Variants in MIPOL1 observed in about 807,000 individuals in gnomAD.
MIPOL1 encodes mirror-image polydactyly gene 1 protein.
A neutral mutation model predicts 60.9 loss-of-function variants in MIPOL1; 57 were observed. That is an observed-to-expected ratio of 0.94 (90% confidence interval 0.76 to 1.17). MIPOL1 has a LOEUF of 1.17. Ranked by LOEUF, MIPOL1 falls within the 50% of genes most tolerant of loss-of-function variation. The probability of loss-of-function intolerance (pLI) is 0.00; values close to 1 mark genes in which losing one functional copy is unlikely to be tolerated. For synonymous variants in MIPOL1, 179 were observed against 168.8 expected, an observed-to-expected ratio of 1.06 and a Z score of -0.47; for missense variants, 551 against 511.6, an observed-to-expected ratio of 1.08 and a Z score of -0.74.
intron 12 of MIPOL1, chr14:37,502,561 A>G (rs2095230924): frequency 6.6e-6 from 1 of 152,284 alleles, no homozygotes; most frequent in Non-Finnish European, 1.5e-5. Context: ...ACAAACAGAA[A>G]GGAATAGCAT....
intron 9 of MIPOL1, among the ~76,000 whole-genome samples, chr14:37,356,922 G>T (rs554499555): frequency 1.3e-5 from 2 of 152,208 alleles, no homozygotes; most frequent in East Asian, 3.9e-4. Context: ...CGGCCATCTT[G>T]GCTCCTCCCC....
Position 37,276,224 on chromosome 14 carries a change from T to C in MIPOL1, c.493+5699T>C, listed in dbSNP as rs556879441. 3.3e-5 allele frequency: 5 copies of C among 151,196 alleles called. No homozygotes were observed. In the South Asian group the frequency reaches 1.0e-3, roughly 31 times the overall value. 9.4% of individuals were successfully genotyped at this position (151,196 alleles called of 1,614,324 possible). On this transcript the variant is annotated intron_variant, in intron 6 of 12. Coordinates refer to ENST00000684589, the MANE Select transcript of MIPOL1 (RefSeq NM_001388067.1). ...AGCATTTGATTTTTCTCTTTAAACA[T>C]AGATTTCTTTCTCTGCATGCAAATT...
intron 9 of MIPOL1, among the ~76,000 whole-genome samples, chr14:37,351,062 C>T (rs1424615283): frequency 8.5e-6 from 1 of 117,734 alleles, no homozygotes. Context: ...TCCCCCCTCC[C>T]CCCACCCCAC....
rs1245315323 is a variant in MIPOL1, at chr14:37,280,937, A to G, written c.494-4381A>G. 2.0e-5 allele frequency among the ~76,000 whole-genome samples: 3 copies of G among 152,222 alleles called. No homozygotes were observed. The East Asian group carries it at 5.8e-4, about 29-fold the overall frequency. On this transcript the variant is annotated intron_variant, in intron 6 of 12. Transcript: ENST00000684589. ...GTATTATTCTTTTCATTAATGTGTC[A>G]TTTGCAGATATTTTCTCCTACACTG...
intron 10 of MIPOL1, among the ~76,000 whole-genome samples, chr14:37,421,777 A>T (rs983280218): frequency 6.6e-6 from 1 of 150,622 alleles, no homozygotes; most frequent in African/African-American, 2.5e-5. Flanking sequence ...TGTAAAGTTC[A>T]CTTTTATTAC....
chr14:37,260,617 C>A (rs1462083764), intron 3 of MIPOL1, among the ~76,000 whole-genome samples: 2 of 152,036 alleles, frequency 1.3e-5, no homozygotes, highest in Non-Finnish European at 2.9e-5. Flanking sequence ...TTTGTAGAAA[C>A]AATCTAAAAG....
At chr14:37,478,710 G>A (rs193032002) in intron 11 of MIPOL1, among the ~76,000 whole-genome samples, 1 of 152,034 alleles carries the variant, frequency 6.6e-6, no homozygotes, top group Non-Finnish European at 1.5e-5. Flanking sequence ...GAAAGTGAAA[G>A]GATAGAAAAA....
intron 1 of MIPOL1, among the ~76,000 whole-genome samples, chr14:37,220,971 T>C (rs1041208064): frequency 1.3e-5 from 2 of 152,076 alleles, no homozygotes; most frequent in South Asian, 4.2e-4. Flanking sequence ...TTCATAGAGA[T>C]GGGGTCTTGC....
intron 10 of MIPOL1, among the ~76,000 whole-genome samples, chr14:37,407,845 C>CTTTTTTTTT (rs35133543): frequency 3.4e-5 from 3 of 88,788 alleles, no homozygotes; most frequent in African/African-American, 1.3e-4. Context: ...TCTTCTTCTT[C>CTTTTTTTTT]TTTTTTTTTT....
At chr14:37,216,636 G>T (rs1281811222) in intron 1 of MIPOL1, among the ~76,000 whole-genome samples, 1 of 152,068 alleles carries the variant, frequency 6.6e-6, no homozygotes, top group Non-Finnish European at 1.5e-5. Context: ...GATGAATTTT[G>T]GAAACTGGAC....
At chr14:37,419,335 G>A (rs758797310) in intron 10 of MIPOL1, among the ~76,000 whole-genome samples, 28 of 152,170 alleles carry the variant, frequency 1.8e-4, no homozygotes, top group Non-Finnish European at 4.0e-4. Flanking sequence ...GATTGCCAGA[G>A]GCTGAGTGTG....
chr14:37,403,285 C>A (rs1490604336), intron 10 of MIPOL1, among the ~76,000 whole-genome samples: 1 of 151,896 alleles, frequency 6.6e-6, no homozygotes, highest in Non-Finnish European at 1.5e-5. Context: ...ATTACAAATT[C>A]TCATGGGAGG....
intron 11 of MIPOL1, among the ~76,000 whole-genome samples, chr14:37,436,415 C>T (rs937969183): frequency 2.0e-5 from 3 of 152,074 alleles, no homozygotes; most frequent in Non-Finnish European, 4.4e-5. Flanking sequence ...CTTTCCATGA[C>T]ACATGCATTA....
At chr14:37,450,370 CAG>C (rs1179527546) in intron 11 of MIPOL1, among the ~76,000 whole-genome samples, 2 of 152,134 alleles carry the variant, frequency 1.3e-5, no homozygotes, top group Non-Finnish European at 2.9e-5. Flanking sequence ...AATTTCCAAA[CAG>C]AAATTTTCTG....
At chr14:37,450,660 C>T (rs866029697) in intron 11 of MIPOL1, among the ~76,000 whole-genome samples, 3 of 152,058 alleles carry the variant, frequency 2.0e-5, no homozygotes, top group South Asian at 4.2e-4. Context: ...GAGAAATTTT[C>T]CTTAATATTA....
rs1389366751 is a variant in MIPOL1, at chr14:37,266,967, A to T, written c.49A>T (p.Thr17Ser). ...AACCCACAGTTATCTTGAACAAGAA[A>T]CTACGGGGATAAATAAAAGTACGCA... The part of the protein sequence containing the change: ...DITHSYLEQE[T>S]TGINKSTQPD... The change falls in exon 4 of 13, where the codon ACT (threonine) becomes TCT (serine). Residue 17 changes from threonine to serine, a missense_variant. Coordinates refer to ENST00000684589, the MANE Select transcript of MIPOL1 (RefSeq NM_001388067.1). 1.9e-6 allele frequency: 3 copies of T among 1,612,974 alleles called. No homozygotes were observed. Among genetic ancestry groups the T allele is most frequent in the Non-Finnish European group, 2.5e-6 (3 of 1,179,452 alleles).
At chr14:37,287,264 A>C (rs957172808) in intron 7 of MIPOL1, among the ~76,000 whole-genome samples, 3 of 151,908 alleles carry the variant, frequency 2.0e-5, no homozygotes, top group South Asian at 2.1e-4. Flanking sequence ...TTGGTTGTTT[A>C]GAGACAGAGT....
At chr14:37,353,949 C>T (rs1412354991) in intron 9 of MIPOL1, among the ~76,000 whole-genome samples, 1 of 151,954 alleles carries the variant, frequency 6.6e-6, no homozygotes, top group African/African-American at 2.4e-5. Context: ...CTTCTGCTAG[C>T]TTTTGAATGT....
rs150505827 is a variant in MIPOL1, at chr14:37,373,926, A to G, written c.936+4302A>G. Among the ~76,000 whole-genome samples the G allele has an allele frequency of 6.2e-3, 942 of 152,230 alleles. 7 individuals carry two copies. Among genetic ancestry groups the G allele is most frequent in the African/African-American group, 0.02 (818 of 41,540 alleles). Reference sequence around the variant, plus strand: ...TAATGGGATTGCTGGGCCAAATGGTATTTCTAGTTCTAGATCCTTGAGGAA... The same window carrying G: ...TAATGGGATTGCTGGGCCAAATGGTGTTTCTAGTTCTAGATCCTTGAGGAA... On this transcript the variant is annotated intron_variant, in intron 10 of 12. Coordinates refer to ENST00000684589, the MANE Select transcript of MIPOL1 (RefSeq NM_001388067.1).
Sources: allele counts gnomAD v4.1 joint callset (sites outside exome capture counted in the v4.1 genomes callset), GRCh38; gene constraint gnomAD v4.1.1; transcripts MANE v1.5; gene names NCBI Gene and HGNC (gene_info 2026-07-23, HGNC 2026-07-21).